The following PIK3C3 variants were observed in gnomAD, a reference collection of about 807,000 sequenced individuals.
The protein encoded by PIK3C3 is phosphatidylinositol 3-kinase catalytic subunit type 3, also known as PI3-kinase type 3.
A neutral mutation model predicts 126.1 loss-of-function variants in PIK3C3; 95 were observed. The ratio of observed to expected loss-of-function variants is 0.75; its 90% confidence interval spans 0.64 to 0.89. The LOEUF is 0.89. PIK3C3 is among the 40% of genes least tolerant of loss of function. PIK3C3 has a pLI of 0.00. For missense variants in PIK3C3, 829 were observed against 1,063.2 expected (o/e 0.78, Z 3.06); for synonymous variants, 374 against 360.0 (o/e 1.04, Z -0.44).
At chr18:41,958,769 AATAT>A (rs1046144225) in intron 2 of PIK3C3, among the ~76,000 whole-genome samples, 3 of 151,688 alleles carry the variant, frequency 2.0e-5, no homozygotes, top group African/African-American at 4.8e-5. Flanking sequence ...ACACATAAAA[AATAT>A]ATATATATAC....
chr18:42,015,182 G>T (rs983024349), intron 11 of PIK3C3, among the ~76,000 whole-genome samples: 5 of 151,906 alleles, frequency 3.3e-5, no homozygotes, highest in Admixed American at 3.3e-4. Context: ...TTTGGGAAAT[G>T]CTAGTTTAAA....
At chr18:41,969,593 T>C (rs1276328617) in intron 3 of PIK3C3, among the ~76,000 whole-genome samples, 1 of 152,222 alleles carries the variant, frequency 6.6e-6, no homozygotes, top group Admixed American at 6.5e-5. Flanking sequence ...GGGAAATGTT[T>C]TTGTATGAAT....
At chr18:42,029,665 C>T (rs1484640433) in intron 15 of PIK3C3, among the ~76,000 whole-genome samples, 2 of 151,112 alleles carry the variant, frequency 1.3e-5, no homozygotes, top group African/African-American at 2.4e-5. Flanking sequence ...GCCCCAGCCT[C>T]CCGAGTAGCT....
At chr18:41,983,649 C>T (rs574469011) in intron 4 of PIK3C3, among the ~76,000 whole-genome samples, 21 of 152,270 alleles carry the variant, frequency 1.4e-4, no homozygotes, top group African/African-American at 4.8e-4. Flanking sequence ...GGAAGTCTGT[C>T]TATTTCCAAG....
At chr18:42,003,621 A>G (rs957688358) in intron 9 of PIK3C3, among the ~76,000 whole-genome samples, 36 of 152,274 alleles carry the variant, frequency 2.4e-4, no homozygotes, top group African/African-American at 8.4e-4. Flanking sequence ...TGTTTGTGCA[A>G]TGAGTGATAT....
chr18:42,001,055 A>T (rs573900710), intron 9 of PIK3C3, among the ~76,000 whole-genome samples: 2 of 152,300 alleles, frequency 1.3e-5, no homozygotes, highest in African/African-American at 4.8e-5. Flanking sequence ...GTAGAAGTTT[A>T]AATTAGGAAT....
intron 13 of PIK3C3, among the ~76,000 whole-genome samples, chr18:42,021,676 A>G (rs767835504): frequency 1.3e-5 from 2 of 152,154 alleles, no homozygotes; most frequent in African/African-American, 4.8e-5. Flanking sequence ...ACAAATTACA[A>G]ATTAGTAGAT....
intron 24 of PIK3C3, among the ~76,000 whole-genome samples, chr18:42,068,723 G>A (rs1478491372): frequency 6.6e-6 from 1 of 152,000 alleles, no homozygotes; most frequent in East Asian, 1.9e-4. Context: ...GGCCAAGGAG[G>A]GTGTATCACG....
rs1568013444 is a variant in PIK3C3 at position 42,076,105 on chromosome 18, T to TATATATATGCAC, written c.2650-5010_2650-5009insGCACATATATAT. 2.1e-3 allele frequency among the ~76,000 whole-genome samples: 160 copies of TATATATATGCAC among 74,620 alleles called. 6 individuals carry two copies. The highest frequency in any genetic ancestry group is 8.9e-3 in the African/African-American group (121 of 13,664). The allele number at this position is 74,620 out of a possible 152,430, so 49.0% of individuals were successfully genotyped here. A position where few individuals can be genotyped will look rare whatever the true frequency, so the allele number is the denominator to read the frequency against. ...TTTACCTTGCATATATATATATATATATATATATATATATATGCGCATATA... is the reference window on the plus strand; with the variant it reads ...TTTACCTTGCATATATATATATATATATATATATGCACATATATATATATATATGCGCATATA... On this transcript the variant is annotated intron_variant, in intron 24 of 24. Transcript: ENST00000262039.
intron 7 of PIK3C3, among the ~76,000 whole-genome samples, chr18:41,994,286 A>G (rs1402284287): frequency 3.9e-5 from 6 of 152,210 alleles, no homozygotes; most frequent in Non-Finnish European, 7.3e-5. Context: ...TGCATAGTAT[A>G]GTAGAATCCA....
At position 42,013,444 on chromosome 18, in the gene PIK3C3, T is replaced by G. The variant is rs558282591; in HGVS notation, c.1173T>G (p.Asp391Glu). 6.7e-7 allele frequency: 1 copy of G among 1,491,414 alleles called. No individual in the cohort carries two copies. The highest frequency in any genetic ancestry group is 1.5e-5 in the African/African-American group (1 of 68,324). The allele number at this position is 1,491,414 out of a possible 1,614,324, so 92.4% of individuals were successfully genotyped here. Residue 391 changes from aspartate (D) to glutamate (E), a missense_variant and splice_region_variant, in exon 11 of 25, where the codon GAT (aspartate) becomes GAG (glutamate). Coordinates refer to ENST00000262039, the MANE Select transcript of PIK3C3 (RefSeq NM_002647.4). The part of the protein sequence containing the change: ...VARLRQADDE[D>E]LLMYLLQLVQ... ...CTTTACTTTTTTTTGTTTTCCAGGA[T>G]TTGTTGATGTACCTATTACAATTGG...
At chr18:41,993,209 A>G in intron 6 of PIK3C3, 61 bp from the exon 7 acceptor site, 1 of 962,460 alleles carries the variant, frequency 1.0e-6, no homozygotes, top group South Asian at 1.4e-5. Flanking sequence ...TGTGTACATC[A>G]TATACTGCTT....
intron 21 of PIK3C3, chr18:42,049,829 C>T (rs530759023): frequency 7.0e-5 from 25 of 358,496 alleles, no homozygotes; most frequent in Middle Eastern, 8.2e-4. Context: ...CAAAATTTGC[C>T]GGGCGTGGTG....
intron 12 of PIK3C3, among the ~76,000 whole-genome samples, chr18:42,017,149 C>A (rs531588151): frequency 1.3e-5 from 2 of 152,164 alleles, no homozygotes; most frequent in South Asian, 4.1e-4. Context: ...TTCCCCTATT[C>A]CCATAGAGTG....
At chr18:41,990,658 G>T in intron 6 of PIK3C3, 104 bp downstream of exon 6, 1 of 637,524 alleles carries the variant, frequency 1.6e-6, no homozygotes. Context: ...TTGCAGGGTA[G>T]CAGCAGACAG....
intron 2 of PIK3C3, among the ~76,000 whole-genome samples, chr18:41,959,997 A>G (rs1285473338): frequency 1.3e-5 from 2 of 152,220 alleles, no homozygotes; most frequent in Non-Finnish European, 2.9e-5. Flanking sequence ...CCTTGGAAAG[A>G]AGAAATTAGA....
In PIK3C3 at chr18:42,040,862, T is replaced by G. The variant is rs78578427; in HGVS notation, c.2103+121T>G. The stretch of plus-strand genomic sequence containing the variant: ...TTATCATTTTTCTTTCTTCAAGTTT[T>G]TTTTCTTCCTTTATTCAGAAGTAAG... On this transcript the variant is annotated intron_variant, in intron 19 of 24. Coordinates refer to ENST00000262039, the MANE Select transcript of PIK3C3 (RefSeq NM_002647.4). 2,311 of 656,300 alleles carry G rather than the reference T, an allele frequency of 3.5e-3. 43 individuals carry two copies. The African/African-American group carries it at 0.039, about 11-fold the overall frequency. The allele number at this position is 656,300 out of a possible 1,614,324, so 40.7% of individuals were successfully genotyped here.
intron 6 of PIK3C3, 41 bp from the exon 7 acceptor site, chr18:41,993,229 T>C (rs567952734): frequency 1.5e-5 from 18 of 1,232,366 alleles, no homozygotes; most frequent in Admixed American, 1.1e-4. Context: ...TCCTATTGTA[T>C]TAAATTTCTT....
At chr18:41,968,861 A>G (rs1451122573) in intron 3 of PIK3C3, among the ~76,000 whole-genome samples, 1 of 151,936 alleles carries the variant, frequency 6.6e-6, no homozygotes, top group Admixed American at 6.6e-5. Flanking sequence ...TTTCTCACCC[A>G]GGCTGGAGTA....
Sources: allele counts gnomAD v4.1 joint callset (sites outside exome capture counted in the v4.1 genomes callset), GRCh38; gene constraint gnomAD v4.1.1; transcripts MANE v1.5; gene names NCBI Gene and HGNC (gene_info 2026-07-23, HGNC 2026-07-21).